Variants in CLCN6 observed in about 807,000 individuals in gnomAD.
CLCN6 encodes H(+)/Cl(-) exchange transporter 6.
In CLCN6, 70 loss-of-function variants were observed where a neutral mutation model predicts 109.8. That is an observed-to-expected ratio of 0.64 (90% CI 0.53 to 0.78). The LOEUF (loss-of-function observed/expected upper bound fraction) is 0.78. Ranked by LOEUF, CLCN6 falls within the 30% of genes least tolerant of loss-of-function variation. CLCN6 has a pLI of 0.00. For missense variants in CLCN6, 984 were observed against 1,142.3 expected, an observed-to-expected ratio of 0.86 and a Z score of 2.00; for synonymous variants, 444 against 447.8, an observed-to-expected ratio of 0.99 and a Z score of 0.11.
At chr1:11,838,707 T>C (rs763703155) in intron 22 of CLCN6, 47 bp downstream of exon 22, 1 of 1,613,574 alleles carries the variant, frequency 6.2e-7, no homozygotes. Flanking sequence ...GAGGATCCCC[T>C]AGCCAGGTGC....
chr1:11,830,941 C>A (rs1644876907), intron 13 of CLCN6, among the ~76,000 whole-genome samples: 1 of 152,020 alleles, frequency 6.6e-6, no homozygotes, highest in South Asian at 2.1e-4. Flanking sequence ...TCAAGTGATT[C>A]TCCTGCCTCA....
rs1294997952 is a variant in CLCN6, at chr1:11,842,330, A to C, written c.*2107A>C. 4 of 152,678 alleles carry C rather than the reference A, an allele frequency of 2.6e-5. No homozygotes were observed. The highest frequency in any genetic ancestry group is 9.6e-5 in the African/African-American group (4 of 41,452). 9.5% of individuals were successfully genotyped at this position (152,678 alleles called of 1,614,324 possible). On this transcript the variant is annotated 3_prime_UTR_variant, in exon 23 of 23. Transcript: ENST00000346436. ...AGCCCAGAGATAGACAGTAGAATGC[A>C]AATACCTCCCTCCCCTAAACTGACT... is the stretch of plus-strand genomic sequence containing the variant.
At chr1:11,831,434 C>T (rs1468687431) in intron 13 of CLCN6, among the ~76,000 whole-genome samples, 4 of 140,768 alleles carry the variant, frequency 2.8e-5, no homozygotes, top group South Asian at 4.8e-4. Context: ...GGATTGCAGG[C>T]GTGAGCCACC....
At chr1:11,825,262 A>C (rs1171350416) in intron 8 of CLCN6, among the ~76,000 whole-genome samples, 3 of 152,194 alleles carry the variant, frequency 2.0e-5, no homozygotes, top group African/African-American at 7.2e-5. Context: ...GAAGGAGGGA[A>C]GATTCTTTCG....
Position 11,836,022 on chromosome 1 carries a change from C to T in CLCN6, c.1849C>T (p.Arg617Cys), listed in dbSNP as rs750369359. Residue 617 changes from arginine (R) to cysteine (C), a missense_variant, in exon 18 of 23, where the codon CGC (arginine) becomes TGC (cysteine). Arg to Cys is a radical substitution (Grantham distance 180). Transcript: ENST00000346436. ...PNLTYVYPHT[R>C]IQSLVSILRT... Reference sequence around the variant, plus strand: ...CCTGACCTACGTCTACCCGCACACCCGCATCCAGTCTCTGGTGAGCATCCT... The same window carrying T: ...CCTGACCTACGTCTACCCGCACACCTGCATCCAGTCTCTGGTGAGCATCCT... The T allele has an allele frequency of 3.1e-6, 5 of 1,613,988 alleles. No homozygotes were observed. Among genetic ancestry groups the T allele is most frequent in the Non-Finnish European group, 4.2e-6 (5 of 1,179,980 alleles).
rs1206474645 is a variant in CLCN6, at chr1:11,840,272, T to C, written c.*49T>C. 2.6e-5 allele frequency: 39 copies of C among 1,507,074 alleles called. No homozygotes were observed. The highest frequency in any genetic ancestry group is 3.5e-5 in the Non-Finnish European group (38 of 1,089,768). The allele number at this position is 1,507,074 out of a possible 1,614,324, so 93.4% of individuals were successfully genotyped here. A position where few individuals can be genotyped will look rare whatever the true frequency, so the allele number is the denominator to read the frequency against. ...TGCTGCCTGGGGAGGCAAATCATGC[T>C]CACTCCGGCGGGCACAGCTGGCTGG... On this transcript the variant is annotated 3_prime_UTR_variant, in exon 23 of 23. Coordinates refer to ENST00000346436, the MANE Select transcript of CLCN6 (RefSeq NM_001286.5).
intron 4 of CLCN6, among the ~76,000 whole-genome samples, chr1:11,818,114 AT>A (rs946065962): frequency 3.3e-5 from 5 of 152,070 alleles, no homozygotes; most frequent in Non-Finnish European, 5.9e-5. Context: ...TAAAAAAAAA[AT>A]TAAAAAAAAG....
chr1:11,828,183 C>T lies in CLCN6; in HGVS notation c.918C>T (p.Phe306=), dbSNP rs773734538. ...SGIQFGSWGS[F]QLPGLLNFGE... ...TTCAGTTTGGAAGCTGGGGTTCCTT[C>T]CAGCTCCCTGGATTGCTGAACTTTG... The change falls in exon 11 of 23, where the codon TTC becomes TTT. Residue 306 remains phenylalanine, a synonymous_variant. Coordinates refer to ENST00000346436, the MANE Select transcript of CLCN6 (RefSeq NM_001286.5). 1 of 1,614,160 alleles carries T rather than the reference C, an allele frequency of 6.2e-7. No individual in the cohort carries two copies. The highest frequency in any genetic ancestry group is 2.2e-5 in the East Asian group (1 of 44,884).
At chr1:11,832,078 C>A (rs1644890342) in intron 13 of CLCN6, among the ~76,000 whole-genome samples, 1 of 152,156 alleles carries the variant, frequency 6.6e-6, no homozygotes, top group Non-Finnish European at 1.5e-5. Flanking sequence ...TATATGATTT[C>A]ATTTAATCCT....
chr1:11,832,495 G>A (rs546449005), intron 13 of CLCN6, among the ~76,000 whole-genome samples: 21 of 152,366 alleles, frequency 1.4e-4, no homozygotes, highest in Non-Finnish European at 2.4e-4. Context: ...ACTCCACAAC[G>A]CTGAGGCTCT....
intron 5 of CLCN6, among the ~76,000 whole-genome samples, chr1:11,821,098 A>C (rs572707060): frequency 6.6e-6 from 1 of 151,588 alleles, no homozygotes; most frequent in South Asian, 2.1e-4. Flanking sequence ...AAAAAAAAAA[A>C]ACAAACAAAA....
intron 9 of CLCN6, 116 bp from the exon 10 acceptor site, chr1:11,826,973 G>A: frequency 7.5e-7 from 1 of 1,338,520 alleles, no homozygotes; most frequent in East Asian, 2.4e-5. Context: ...GCCCTTCCAG[G>A]ATCCCTGCCT....
intron 12 of CLCN6, among the ~76,000 whole-genome samples, chr1:11,828,931 A>C (rs1438709722): frequency 2.0e-5 from 3 of 152,182 alleles, no homozygotes; most frequent in African/African-American, 7.2e-5. Flanking sequence ...TTCTCGCCCC[A>C]GGACTTATTA....
chr1:11,809,707 C>T (rs956157584), intron 2 of CLCN6, among the ~76,000 whole-genome samples: 1 of 152,216 alleles, frequency 6.6e-6, no homozygotes, highest in African/African-American at 2.4e-5. Flanking sequence ...ATCCACCCAC[C>T]TCAGCCTCCC....
intron 2 of CLCN6, among the ~76,000 whole-genome samples, chr1:11,813,588 G>T (rs989423601): frequency 1.3e-5 from 2 of 151,932 alleles, no homozygotes; most frequent in Non-Finnish European, 2.9e-5. Context: ...ACGGGGTTTC[G>T]CCATGTTGGC....
intron 13 of CLCN6, among the ~76,000 whole-genome samples, chr1:11,832,023 A>G (rs1354461179): frequency 6.6e-6 from 1 of 152,190 alleles, no homozygotes; most frequent in Non-Finnish European, 1.5e-5. Flanking sequence ...AGTGTTATAA[A>G]TGTTTGGTGT....
In CLCN6 at chr1:11,838,599, T is replaced by C; in HGVS notation, c.2468T>C (p.Val823Ala). ...TVSPNTHVSQ[V>A]FNLFRTMGLR... is the part of the protein sequence containing the mutation. The stretch of plus-strand genomic sequence containing the variant: ...TCGCCCAACACCCACGTCTCCCAAG[T>C]CTTCAACCTGTTCAGAACGATGGGC... Residue 823 changes from valine to alanine, a missense_variant, in exon 22 of 23, where the codon GTC becomes GCC. Val to Ala is a moderately conservative substitution (Grantham distance 64). Transcript: ENST00000346436. 6.2e-7 allele frequency: 1 copy of C among 1,614,104 alleles called. No homozygotes were observed. Among genetic ancestry groups the C allele is most frequent in the Non-Finnish European group, 8.5e-7 (1 of 1,179,980 alleles).
chr1:11,836,849 G>A, intron 18 of CLCN6, 150 bp from the exon 19 acceptor site: 2 of 846,418 alleles, frequency 2.4e-6, no homozygotes, highest in Non-Finnish European at 3.6e-6. Context: ...TGAACCACCA[G>A]CCTGAGCCAC....
At position 11,837,297 on chromosome 1, in the gene CLCN6, C is replaced by T. The variant is rs888605996; in HGVS notation, c.2139-46C>T. 4 of 1,595,232 alleles carry T rather than the reference C, an allele frequency of 2.5e-6. No individual in the cohort carries two copies. The African/African-American group carries it at 4.0e-5, about 16-fold the overall frequency. On this transcript the variant is annotated intron_variant, in intron 19 of 22. Transcript: ENST00000346436. ...GGGCTGGGAACATGGATCAGAAGCG[C>T]TCCCGCTGAGGGTATCCCAGGCAGC...
Sources: allele counts gnomAD v4.1 joint callset (sites outside exome capture counted in the v4.1 genomes callset), GRCh38; gene constraint gnomAD v4.1.1; transcripts MANE v1.5; gene names NCBI Gene and HGNC (gene_info 2026-07-23, HGNC 2026-07-21).